Variants in ADAMTS2 observed in about 807,000 individuals in gnomAD.
The protein encoded by ADAMTS2 is A disintegrin and metalloproteinase with thrombospondin motifs 2.
A neutral mutation model predicts 123.0 loss-of-function variants in ADAMTS2; 50 were observed. The observed-to-expected ratio is 0.41, with a 90% CI of 0.32 to 0.51. ADAMTS2 has a LOEUF of 0.51. Ranked by LOEUF, ADAMTS2 falls within the 20% of genes least tolerant of loss-of-function variation. The pLI is 0.35. For missense variants in ADAMTS2, 1,494 were observed against 1,705.2 expected, an observed-to-expected ratio of 0.88 and a Z score of 2.18; for synonymous variants, 678 against 695.4, an observed-to-expected ratio of 0.98 and a Z score of 0.39.
rs956605062 is a variant in ADAMTS2, at chr5:179,113,644, C to T, written c.*223G>A. 8.5e-5 allele frequency: 50 copies of T among 586,126 alleles called. No homozygotes were observed. Among genetic ancestry groups the T allele is most frequent in the Middle Eastern group, 4.6e-4 (1 of 2,162 alleles). The allele number at this position is 586,126 out of a possible 1,614,324, so 36.3% of individuals were successfully genotyped here. A position where few individuals can be genotyped will look rare whatever the true frequency, so the allele number is the denominator to read the frequency against. On this transcript the variant is annotated 3_prime_UTR_variant, in exon 22 of 22. Coordinates refer to ENST00000251582, the MANE Select transcript of ADAMTS2 (RefSeq NM_014244.5). The stretch of plus-strand genomic sequence containing the variant: ...ATATTCCTCTCCACTGCACACCTGA[C>T]GCCACCACAGTATTTGGTCGCTCCT...
intron 6 of ADAMTS2, among the ~76,000 whole-genome samples, chr5:179,157,851 C>T (rs1348897272): frequency 2.0e-5 from 3 of 152,156 alleles, no homozygotes; most frequent in Non-Finnish European, 4.4e-5. Context: ...AGATATAAAT[C>T]CTTTTTTATA....
At chr5:179,193,039 A>C (rs1764342677) in intron 4 of ADAMTS2, among the ~76,000 whole-genome samples, 1 of 152,116 alleles carries the variant, frequency 6.6e-6, no homozygotes, top group South Asian at 2.1e-4. Flanking sequence ...TCTGTGTGGA[A>C]TGATGCCCTC....
In ADAMTS2 at chr5:179,317,783, A is replaced by C. The variant is rs1757043698; in HGVS notation, c.534+25984T>G. Reference sequence around the variant, plus strand: ...CAGCACCAGCTGAGACTCCCTGGCCAGACTCATCGCCAGCTGGGGAGAGTG... The same window carrying C: ...CAGCACCAGCTGAGACTCCCTGGCCCGACTCATCGCCAGCTGGGGAGAGTG... On this transcript the variant is annotated intron_variant, in intron 2 of 21. Transcript: ENST00000251582. This position sits in a 1 kb window ranked among gnomAD's most constrained non-coding sequence, Gnocchi z 4.9. Among the ~76,000 whole-genome samples, 1 of 152,206 alleles carries C rather than the reference A, an allele frequency of 6.6e-6. No individual in the cohort carries two copies. Among genetic ancestry groups the C allele is most frequent in the Admixed American group, 6.5e-5 (1 of 15,278 alleles).
intron 11 of ADAMTS2, 30 bp from the exon 12 acceptor site, chr5:179,137,974 C>A: frequency 6.5e-7 from 1 of 1,539,368 alleles, no homozygotes. Context: ...CCTTGCCGCT[C>A]CGTGCCATTG....
intron 17 of ADAMTS2, 121 bp from the exon 18 acceptor site, chr5:179,126,251 T>G (rs898944431): frequency 7.0e-7 from 1 of 1,421,152 alleles, no homozygotes; most frequent in Admixed American, 1.7e-5. Context: ...GTGATGACAA[T>G]AAGGGTGGGC....
chr5:179,217,855 GT>G (rs1561811417), intron 3 of ADAMTS2, among the ~76,000 whole-genome samples: 36 of 48,318 alleles, frequency 7.5e-4, no homozygotes, highest in African/African-American at 3.2e-3. Context: ...CACTCACTAG[GT>G]AGGGGATGGC....
chr5:179,111,549 C>A lies in ADAMTS2; in HGVS notation c.*2318G>T, dbSNP rs1040503452. 2 of 152,266 alleles carry A rather than the reference C, an allele frequency of 1.3e-5. No homozygotes were observed. Among genetic ancestry groups the A allele is most frequent in the Admixed American group, 6.5e-5 (1 of 15,280 alleles). The allele number at this position is 152,266 out of a possible 1,614,324, so 9.4% of individuals were successfully genotyped here. ...TCATGGCTGTCAGTCCCAGAGGGCACCTTGCTCCCTTCAGCGGAAGACAGG... is the reference window on the plus strand; with the variant it reads ...TCATGGCTGTCAGTCCCAGAGGGCAACTTGCTCCCTTCAGCGGAAGACAGG... On this transcript the variant is annotated 3_prime_UTR_variant, in exon 22 of 22. Transcript: ENST00000251582.
At chr5:179,232,910 TCTGA>T (rs1765440669) in intron 3 of ADAMTS2, among the ~76,000 whole-genome samples, 2 of 152,186 alleles carry the variant, frequency 1.3e-5, no homozygotes, top group Admixed American at 1.3e-4. Flanking sequence ...CTTTGGCTCA[TCTGA>T]CTAATTACAA....
chr5:179,320,427 C>G (rs1249167252), intron 2 of ADAMTS2, among the ~76,000 whole-genome samples: 1 of 152,206 alleles, frequency 6.6e-6, no homozygotes, highest in East Asian at 1.9e-4. Flanking sequence ...CCTGCCTCAG[C>G]CTCCTGAGTA....
At chr5:179,213,795 AAAAC>A (rs1489754111) in intron 3 of ADAMTS2, among the ~76,000 whole-genome samples, 1 of 152,228 alleles carries the variant, frequency 6.6e-6, no homozygotes, top group Admixed American at 6.5e-5. Flanking sequence ...ATAAACTGAT[AAAAC>A]AAACAACTCA....
At chr5:179,169,091 C>A (rs1415253693) in intron 5 of ADAMTS2, among the ~76,000 whole-genome samples, 2 of 152,322 alleles carry the variant, frequency 1.3e-5, no homozygotes, top group East Asian at 1.9e-4. Flanking sequence ...AATGTTGTGT[C>A]CCCCACATTT....
intron 3 of ADAMTS2, among the ~76,000 whole-genome samples, chr5:179,214,954 C>G (rs1399704443): frequency 6.6e-6 from 1 of 152,170 alleles, no homozygotes; most frequent in African/African-American, 2.4e-5. Context: ...CAAATAATCT[C>G]CATCAAATAA....
intron 2 of ADAMTS2, among the ~76,000 whole-genome samples, chr5:179,304,017 G>A (rs1383207112): frequency 1.3e-5 from 2 of 152,166 alleles, no homozygotes; most frequent in Non-Finnish European, 2.9e-5. Flanking sequence ...TAAACAACAC[G>A]CCATAGGTTC....
At chr5:179,305,209 T>C (rs1247339917) in intron 2 of ADAMTS2, among the ~76,000 whole-genome samples, 2 of 152,210 alleles carry the variant, frequency 1.3e-5, no homozygotes, top group African/African-American at 4.8e-5. Flanking sequence ...TGAAGGAAGT[T>C]CTTCAGACAG....
chr5:179,330,387 C>T (rs1232144952), intron 2 of ADAMTS2, among the ~76,000 whole-genome samples: 1 of 152,236 alleles, frequency 6.6e-6, no homozygotes, highest in East Asian at 1.9e-4. Context: ...CCAGCCATCC[C>T]TGGCCCCAAA....
intron 3 of ADAMTS2, among the ~76,000 whole-genome samples, chr5:179,267,013 G>T (rs1444167415): frequency 6.6e-6 from 1 of 152,148 alleles, no homozygotes; most frequent in Non-Finnish European, 1.5e-5. Flanking sequence ...TCCCCACCTT[G>T]GGTCATTCAA....
rs185640034 is a variant in ADAMTS2, at chr5:179,170,265, T to C, written c.975+10807A>G. On this transcript the variant is annotated intron_variant, in intron 5 of 21. Coordinates refer to ENST00000251582, the MANE Select transcript of ADAMTS2 (RefSeq NM_014244.5). The surrounding 1 kb of genome is among the most constrained non-coding windows in gnomAD (Gnocchi z 4.3). ...CTGGTGAGGCCTGGGGGACAGGCAA[T>C]GGGGGAGCGGCAGGTGGGGAGCTGG... Among the ~76,000 whole-genome samples the C allele has an allele frequency of 3.8e-4, 58 of 152,026 alleles. 1 individual carries two copies. The highest frequency in any genetic ancestry group is 3.7e-3 in the Admixed American group (57 of 15,298).
At chr5:179,321,678 G>A (rs372065873) in intron 2 of ADAMTS2, among the ~76,000 whole-genome samples, 266 of 116,522 alleles carry the variant, frequency 2.3e-3, no homozygotes, top group Middle Eastern at 5.3e-3. Flanking sequence ...CATACAGAGC[G>A]CTCCCAACCC....
intron 3 of ADAMTS2, among the ~76,000 whole-genome samples, chr5:179,258,020 T>C (rs1468240052): frequency 6.6e-6 from 1 of 152,092 alleles, no homozygotes; most frequent in Non-Finnish European, 1.5e-5. Context: ...CAGGCCCCCA[T>C]CAGTGTGCCC....
Sources: gnomAD v4.1 joint callset for allele counts (sites outside exome capture counted in the v4.1 genomes callset) on GRCh38, gnomAD v4.1.1 for gene constraint, Gnocchi (gnomAD v3.1) non-coding constraint, MANE v1.5 for transcripts, NCBI Gene and HGNC (gene_info 2026-07-23, HGNC 2026-07-21) for gene names.